MAP4: variants seen among roughly 807,000 people sequenced by gnomAD.
MAP4 encodes the protein microtubule-associated protein 4.
In MAP4, 76 loss-of-function variants were observed where a neutral mutation model predicts 170.2. That is an observed-to-expected ratio of 0.45 (90% CI 0.37 to 0.54). The LOEUF (loss-of-function observed/expected upper bound fraction) is 0.54, where lower values mean the gene tolerates loss of function less well. MAP4 is among the 20% of genes least tolerant of loss of function. The pLI is 0.00. For synonymous variants in MAP4, 909 were observed against 994.5 expected, an observed-to-expected ratio of 0.91 and a Z score of 1.62; for missense variants, 2,506 against 2,748.0, an observed-to-expected ratio of 0.91 and a Z score of 1.97.
chr3:47,909,311 G>A lies in MAP4; in HGVS notation c.5110C>T (p.Pro1704Ser), dbSNP rs771421806. 2.5e-6 allele frequency: 4 copies of A among 1,613,932 alleles called. No homozygotes were observed. The highest frequency in any genetic ancestry group is 3.4e-6 in the Non-Finnish European group (4 of 1,179,858). The part of the protein sequence containing the change: ...SDFLHSKVEA[P>S]PSEVADTLVI... ...AACGTATCCGCCACCTCTGAAGGAG[G>A]AGCTTCGACTTTGCTATGTAAGAAA... Residue 1704 changes from proline (P) to serine (S), a missense_variant, in exon 9 of 21, where the codon CCT becomes TCT. Transcript: ENST00000683076.
At chr3:47,890,718 G>A (rs757237842) in intron 10 of MAP4, among the ~76,000 whole-genome samples, 30 of 152,224 alleles carry the variant, frequency 2.0e-4, no homozygotes, top group Non-Finnish European at 3.7e-4. Context: ...GGTGACATGA[G>A]GTCAAGAAAG....
intron 3 of MAP4, among the ~76,000 whole-genome samples, chr3:47,940,089 T>C (rs2100055350): frequency 6.6e-6 from 1 of 152,082 alleles, no homozygotes. Flanking sequence ...CCACCCGCCT[T>C]GGCCTCCCAA....
Position 47,977,502 on chromosome 3 carries a change from C to T in MAP4, c.292+363G>A, listed in dbSNP as rs543092162. Among the ~76,000 whole-genome samples, 25 of 152,250 alleles carry T rather than the reference C, an allele frequency of 1.6e-4. No homozygotes were observed. In the East Asian group the frequency reaches 2.1e-3, roughly 13 times the overall value. ...TAACATTGAACTGTAGAAAGCTAAA[C>T]GCAATGTGATTCAGGGAACAGACCT... On this transcript the variant is annotated intron_variant, in intron 3 of 20. Transcript: ENST00000683076.
At chr3:47,939,996 C>T (rs1165405458) in intron 3 of MAP4, among the ~76,000 whole-genome samples, 1 of 152,010 alleles carries the variant, frequency 6.6e-6, no homozygotes, top group Non-Finnish European at 1.5e-5. Flanking sequence ...CACCACCATG[C>T]CTGGCTAATT....
chr3:47,948,164 A>AT (rs1459249537), intron 3 of MAP4, among the ~76,000 whole-genome samples: 1 of 149,270 alleles, frequency 6.7e-6, no homozygotes, highest in African/African-American at 2.5e-5. Flanking sequence ...CGCCCGGCTA[A>AT]TTTTTTGTAT....
At chr3:47,864,136 T>C (rs2151273985) in intron 17 of MAP4, among the ~76,000 whole-genome samples, 1 of 152,204 alleles carries the variant, frequency 6.6e-6, no homozygotes, top group Non-Finnish European at 1.5e-5. Flanking sequence ...TGCCACCTAA[T>C]GCTGCCAGGC....
chr3:47,933,430 A>G (rs1380617621), intron 3 of MAP4, among the ~76,000 whole-genome samples: 2 of 151,904 alleles, frequency 1.3e-5, no homozygotes, highest in Non-Finnish European at 2.9e-5. Flanking sequence ...TTACACCTCA[A>G]TAAAGTTTTT....
intron 10 of MAP4, among the ~76,000 whole-genome samples, chr3:47,883,302 C>T (rs1482867761): frequency 6.6e-6 from 1 of 152,104 alleles, no homozygotes; most frequent in East Asian, 1.9e-4. Context: ...TGGCTCACCA[C>T]GACCTCCACC....
chr3:47,987,323 A>G (rs2100089329), intron 2 of MAP4: 1 of 1,261,964 alleles, frequency 7.9e-7, no homozygotes, highest in Admixed American at 2.4e-5. Context: ...AAATAGCTTA[A>G]TTATGATCTT....
chr3:48,002,153 G>A (rs988424061), intron 1 of MAP4, among the ~76,000 whole-genome samples: 5 of 151,012 alleles, frequency 3.3e-5, no homozygotes. Context: ...CAATGATCAC[G>A]TCTGTGAATA....
chr3:48,049,214 T>G (rs770381966), intron 1 of MAP4, among the ~76,000 whole-genome samples: 5 of 152,266 alleles, frequency 3.3e-5, no homozygotes, highest in African/African-American at 7.2e-5. Flanking sequence ...CTGTTTTGAA[T>G]AAGTCTGCTA....
chr3:47,989,458 G>A (rs1232203840), intron 2 of MAP4, among the ~76,000 whole-genome samples: 1 of 152,106 alleles, frequency 6.6e-6, no homozygotes, highest in Non-Finnish European at 1.5e-5. Flanking sequence ...ACTGTTATTA[G>A]CTATTGTTAT....
Position 47,917,028 on chromosome 3 carries a change from C to G in MAP4, c.799G>C (p.Ala267Pro). 1 of 1,614,108 alleles carries G rather than the reference C, an allele frequency of 6.2e-7. No individual in the cohort carries two copies. Among genetic ancestry groups the G allele is most frequent in the East Asian group, 2.2e-5 (1 of 44,866 alleles). ...GCCAATGCCACCTCGGTTTTTGTAGCTAGTGCCATGTCCTTGGCGAGGGCC... is the reference window on the plus strand; with the variant it reads ...GCCAATGCCACCTCGGTTTTTGTAGGTAGTGCCATGTCCTTGGCGAGGGCC... ...EMALAKDMAL[A>P]TKTEVALAKD... The change falls in exon 7 of 21, where the codon GCT becomes CCT. Residue 267 changes from alanine to proline, a missense_variant. Ala to Pro is a conservative substitution (Grantham distance 27). This residue lies in a region of MAP4 where 2,008 missense variants were observed against 2,206.0 expected (regional missense o/e 0.91). Coordinates refer to ENST00000683076, the MANE Select transcript of MAP4 (RefSeq NM_001385682.1).
intron 1 of MAP4, among the ~76,000 whole-genome samples, chr3:48,078,493 T>C (rs2100145014): frequency 6.6e-6 from 1 of 151,994 alleles, no homozygotes; most frequent in African/African-American, 2.4e-5. Context: ...TTTTACGATA[T>C]GTGAATTATG....
chr3:48,047,194 T>C (rs918726249), intron 1 of MAP4, among the ~76,000 whole-genome samples: 4 of 152,152 alleles, frequency 2.6e-5, no homozygotes, highest in Non-Finnish European at 5.9e-5. Flanking sequence ...CAGTAAATTA[T>C]AACCTATATA....
rs1452553184 is a variant in MAP4, at chr3:47,852,528, G to A, written c.*406C>T. On this transcript the variant is annotated 3_prime_UTR_variant, in exon 21 of 21. Coordinates refer to ENST00000683076, the MANE Select transcript of MAP4 (RefSeq NM_001385682.1). ...GGGCATGTCAGTTTCTTTTGGGTTT[G>A]GACCAAAGAACCAAAAAAAGATGAG... The A allele has an allele frequency of 2.0e-6, 1 of 490,418 alleles. No homozygotes were observed. Among genetic ancestry groups the A allele is most frequent in the Non-Finnish European group, 3.6e-6 (1 of 279,558 alleles). The allele number at this position is 490,418 out of a possible 1,614,324, so 30.4% of individuals were successfully genotyped here.
chr3:47,871,134 G>A (rs777463943), intron 14 of MAP4, 29 bp from the exon 15 acceptor site: 15 of 1,609,348 alleles, frequency 9.3e-6, no homozygotes, highest in South Asian at 4.4e-5. Context: ...GAGATAACAC[G>A]GGTTCAGGGA....
chr3:47,943,056 T>G (rs1256089660), intron 3 of MAP4, among the ~76,000 whole-genome samples: 1 of 152,020 alleles, frequency 6.6e-6, no homozygotes, highest in Non-Finnish European at 1.5e-5. Context: ...AAGATTGCAG[T>G]GAGCTATGAT....
intron 1 of MAP4, among the ~76,000 whole-genome samples, chr3:48,041,249 T>A (rs1194843036): frequency 6.6e-6 from 1 of 151,976 alleles, no homozygotes; most frequent in Non-Finnish European, 1.5e-5. Context: ...GTAACAGAGA[T>A]TACAGGCACA....
Sources: gnomAD v4.1 joint callset for allele counts (sites outside exome capture counted in the v4.1 genomes callset) on GRCh38, gnomAD v4.1.1 for gene constraint, gnomAD v4.1.1 regional missense constraint, MANE v1.5 for transcripts, NCBI Gene and HGNC (gene_info 2026-07-23, HGNC 2026-07-21) for gene names.